The following PTPRN2 variants were observed in gnomAD, a reference collection of about 807,000 sequenced individuals.
PTPRN2 encodes the protein receptor-type tyrosine-protein phosphatase N2.
PTPRN2 carries 74 observed loss-of-function variants against 118.8 expected under a neutral mutation model. That is an observed-to-expected ratio of 0.62 (90% CI 0.52 to 0.76). PTPRN2 has a LOEUF of 0.76. Among genes scored for constraint, PTPRN2 ranks in the 30% least tolerant of loss-of-function variants. The probability of loss-of-function intolerance (pLI) is 0.00; values close to 1 mark genes in which losing one functional copy is unlikely to be tolerated. For synonymous variants in PTPRN2, 641 were observed against 608.0 expected, an observed-to-expected ratio of 1.05 and a Z score of -0.80; for missense variants, 1,481 against 1,394.4, an observed-to-expected ratio of 1.06 and a Z score of -0.99.
intron 12 of PTPRN2, among the ~76,000 whole-genome samples, chr7:157,848,625 G>A (rs1366535903): frequency 1.3e-5 from 2 of 152,260 alleles, no homozygotes; most frequent in Non-Finnish European, 2.9e-5. Flanking sequence ...AGTCAATGAA[G>A]CCACAGAGCT....
At chr7:158,334,458 C>G (rs1356862346) in intron 2 of PTPRN2, among the ~76,000 whole-genome samples, 1 of 27,020 alleles carries the variant, frequency 3.7e-5, no homozygotes, top group Non-Finnish European at 1.2e-4. Flanking sequence ...TAAGAGGTGA[C>G]GCCCATAGAC....
At chr7:158,328,306 T>G (rs1012266901) in intron 2 of PTPRN2, among the ~76,000 whole-genome samples, 1 of 152,232 alleles carries the variant, frequency 6.6e-6, no homozygotes, top group Non-Finnish European at 1.5e-5. Flanking sequence ...AGCCGTTGGA[T>G]CCGTGGGCTG....
At chr7:158,532,706 C>T (rs1400730330) in intron 1 of PTPRN2, 1 of 534,202 alleles carries the variant, frequency 1.9e-6, no homozygotes, top group Non-Finnish European at 3.9e-6. Flanking sequence ...AACAAAACAA[C>T]AAAAACCAGC....
rs1416811867 is a variant in PTPRN2 at position 157,598,401 on chromosome 7, G to A, written c.2419-3086C>T. On this transcript the variant is annotated intron_variant, in intron 16 of 22. Coordinates refer to ENST00000389418, the MANE Select transcript of PTPRN2 (RefSeq NM_002847.5). The surrounding 1 kb of genome is among the most constrained non-coding windows in gnomAD (Gnocchi z 5.2). ...GTCTCCGTATCTGTATGGTGGGTGA[G>A]CTCAGGGAGTGAGGAGCTTGGACGT... Among the ~76,000 whole-genome samples, 1 of 152,074 alleles carries A rather than the reference G, an allele frequency of 6.6e-6. No homozygotes were observed. Among genetic ancestry groups the A allele is most frequent in the Non-Finnish European group, 1.5e-5 (1 of 68,044 alleles).
chr7:157,691,567 G>A (rs1797499691), intron 12 of PTPRN2, among the ~76,000 whole-genome samples: 1 of 152,208 alleles, frequency 6.6e-6, no homozygotes, highest in Admixed American at 6.5e-5. Flanking sequence ...ACGCGGAACT[G>A]GTGAGACTTT....
At chr7:157,992,193 C>T (rs551541902) in intron 11 of PTPRN2, among the ~76,000 whole-genome samples, 2 of 152,380 alleles carry the variant, frequency 1.3e-5, no homozygotes, top group East Asian at 3.9e-4. Context: ...AAATGAAAAG[C>T]AGAATCATTG....
chr7:158,257,520 G>T (rs1175084357), intron 3 of PTPRN2, among the ~76,000 whole-genome samples: 8 of 152,196 alleles, frequency 5.3e-5, no homozygotes, highest in Non-Finnish European at 1.0e-4. Flanking sequence ...CTTCTGGGGG[G>T]CCCTCAAGCT....
chr7:158,545,836 T>C (rs1826244805), intron 1 of PTPRN2, among the ~76,000 whole-genome samples: 1 of 152,028 alleles, frequency 6.6e-6, no homozygotes, highest in Non-Finnish European at 1.5e-5. Flanking sequence ...CTGTCTCTAC[T>C]CAAAATACAA....
At chr7:158,277,483 C>T (rs967034187) in intron 3 of PTPRN2, among the ~76,000 whole-genome samples, 3 of 152,200 alleles carry the variant, frequency 2.0e-5, no homozygotes, top group Non-Finnish European at 4.4e-5. Context: ...CCTGAAAACA[C>T]TGACCCCTGA....
chr7:157,962,604 AC>A (rs1427869501), intron 11 of PTPRN2, among the ~76,000 whole-genome samples: 7 of 152,180 alleles, frequency 4.6e-5, no homozygotes, highest in African/African-American at 1.7e-4. Flanking sequence ...ATTGGTACCT[AC>A]ACACCCGGGG....
chr7:158,229,670 C>G (rs1829040865), intron 3 of PTPRN2, among the ~76,000 whole-genome samples: 3 of 151,484 alleles, frequency 2.0e-5, no homozygotes, highest in African/African-American at 7.3e-5. Flanking sequence ...CAAAGACAGG[C>G]TATTTGAAAA....
At chr7:158,138,237 G>A (rs1819018093) in intron 7 of PTPRN2, 57 bp downstream of exon 7, 2 of 1,528,424 alleles carry the variant, frequency 1.3e-6, no homozygotes, top group African/African-American at 1.4e-5. Flanking sequence ...GCACAGCCCT[G>A]AGGCCTCCCC....
chr7:158,085,955 C>A (rs1813376539), intron 10 of PTPRN2, among the ~76,000 whole-genome samples: 1 of 152,096 alleles, frequency 6.6e-6, no homozygotes, highest in African/African-American at 2.4e-5. Context: ...TACACGACGC[C>A]CATCCACACA....
intron 2 of PTPRN2, among the ~76,000 whole-genome samples, chr7:158,336,826 C>T (rs1333487818): frequency 2.0e-5 from 2 of 102,360 alleles, no homozygotes; most frequent in Non-Finnish European, 4.5e-5. Flanking sequence ...AGAAGTGACA[C>T]CTGCAGACGT....
chr7:158,152,955 C>G (rs527489911), intron 6 of PTPRN2, among the ~76,000 whole-genome samples: 1 of 132,198 alleles, frequency 7.6e-6, no homozygotes, highest in African/African-American at 2.8e-5. Context: ...GACACCAGCA[C>G]GCCAGCAGGC....
rs1160844575 is a variant in PTPRN2 at position 158,522,452 on chromosome 7, T to TCCAGGTACTGGC, written c.113-32668_113-32667insGCCAGTACCTGG. On this transcript the variant is annotated intron_variant, in intron 1 of 22. Transcript: ENST00000389418. Reference sequence around the variant, plus strand: ...AGGTCCACATCGGAATGGTAGACTGTTTAGGAGAAAGGTCCACGTCAGAAT... The same window carrying TCCAGGTACTGGC: ...AGGTCCACATCGGAATGGTAGACTGTCCAGGTACTGGCTTAGGAGAAAGGTCCACGTCAGAAT... Among the ~76,000 whole-genome samples, 77 of 150,272 alleles carry TCCAGGTACTGGC rather than the reference T, an allele frequency of 5.1e-4. 3 individuals carry two copies. The highest frequency in any genetic ancestry group is 1.8e-3 in the African/African-American group (72 of 40,300).
intron 19 of PTPRN2, 110 bp downstream of exon 19, chr7:157,576,503 G>C: frequency 1.7e-6 from 2 of 1,188,888 alleles, no homozygotes; most frequent in Non-Finnish European, 2.3e-6. Flanking sequence ...CTGCGGCGCC[G>C]ACACAGACGC....
At chr7:157,689,913 G>A (rs1452799977) in intron 12 of PTPRN2, among the ~76,000 whole-genome samples, 4 of 152,216 alleles carry the variant, frequency 2.6e-5, no homozygotes, top group African/African-American at 9.6e-5. Flanking sequence ...GGTGAGGAGG[G>A]TGAAGAGCGC....
chr7:157,698,030 A>G (rs1223940393), intron 12 of PTPRN2, among the ~76,000 whole-genome samples: 1 of 152,210 alleles, frequency 6.6e-6, no homozygotes, highest in African/African-American at 2.4e-5. Flanking sequence ...CCATCTACCC[A>G]TGCATACTGG....
Sources: gnomAD v4.1 joint callset for allele counts (sites outside exome capture counted in the v4.1 genomes callset) on GRCh38, gnomAD v4.1.1 for gene constraint, Gnocchi (gnomAD v3.1) non-coding constraint, MANE v1.5 for transcripts, NCBI Gene and HGNC (gene_info 2026-07-23, HGNC 2026-07-21) for gene names.